LSAMP: variants seen among roughly 807,000 people sequenced by gnomAD.
The protein encoded by LSAMP is limbic system associated membrane protein.
In LSAMP, 7 loss-of-function variants were observed where a neutral mutation model predicts 38.6. The observed-to-expected ratio is 0.18, with a 90% confidence interval of 0.10 to 0.34. The LOEUF is 0.34. LSAMP is among the 10% of genes least tolerant of loss of function. The pLI is 1.00. For missense variants in LSAMP, 313 were observed against 420.0 expected (o/e 0.75, Z 2.23); for synonymous variants, 154 against 166.8 (o/e 0.92, Z 0.59).
intron 2 of LSAMP, among the ~76,000 whole-genome samples, chr3:116,074,957 C>T (rs1246844443): frequency 6.6e-6 from 1 of 150,460 alleles, no homozygotes; most frequent in Non-Finnish European, 1.5e-5. Flanking sequence ...GATTCTCAGC[C>T]TCCCGAGTAG....
intron 1 of LSAMP, among the ~76,000 whole-genome samples, chr3:116,130,385 G>A (rs1709098032): frequency 6.6e-6 from 1 of 152,190 alleles, no homozygotes; most frequent in South Asian, 2.1e-4. Context: ...AACGGTATAG[G>A]TACAAAAGTA....
chr3:115,885,714 T>C (rs907824436), intron 3 of LSAMP, among the ~76,000 whole-genome samples: 3 of 151,206 alleles, frequency 2.0e-5, no homozygotes, highest in Non-Finnish European at 4.4e-5. Context: ...TAGATGCTTC[T>C]TATCAATCGG....
Position 116,237,507 on chromosome 3 carries a change from AG to A in LSAMP, c.156-150952del, listed in dbSNP as rs1234176716. Reference sequence around the variant, plus strand: ...AAGTATGAAATGGAACACCAGGCACAGGGCCAAATACTTAAGCTTCATGCAT... The same window carrying A: ...AAGTATGAAATGGAACACCAGGCACAGGCCAAATACTTAAGCTTCATGCAT... On this transcript the variant is annotated intron_variant, in intron 1 of 6. Transcript: ENST00000490035. Among the ~76,000 whole-genome samples, 3 of 152,338 alleles carry A rather than the reference AG, an allele frequency of 2.0e-5. No individual in the cohort carries two copies. The East Asian group carries it at 5.8e-4, about 29-fold the overall frequency.
At chr3:116,416,159 A>T (rs1218201312) in intron 1 of LSAMP, among the ~76,000 whole-genome samples, 2 of 152,194 alleles carry the variant, frequency 1.3e-5, no homozygotes, top group Non-Finnish European at 1.5e-5. Flanking sequence ...TTCAGTCAGC[A>T]TTATTGAAAT....
Position 115,967,223 on chromosome 3 carries a change from T to A in LSAMP, c.514+52292A>T, listed in dbSNP as rs537895343. On this transcript the variant is annotated intron_variant, in intron 3 of 6. Transcript: ENST00000490035. The stretch of plus-strand genomic sequence containing the variant: ...AATTTCTTCCACTAGCTACCTTAAA[T>A]CATCTTTCTCAAGTTCAAAGTTCCA... Among the ~76,000 whole-genome samples the A allele has an allele frequency of 2.0e-4, 31 of 152,292 alleles. No homozygotes were observed. The South Asian group carries it at 6.0e-3, about 30-fold the overall frequency.
intron 1 of LSAMP, among the ~76,000 whole-genome samples, chr3:116,379,992 C>T (rs1010081228): frequency 3.3e-5 from 5 of 152,034 alleles, no homozygotes; most frequent in African/African-American, 1.2e-4. Flanking sequence ...CCCTCAGACT[C>T]TTTCTAGAAC....
chr3:116,338,115 C>A (rs958096003), intron 1 of LSAMP, among the ~76,000 whole-genome samples: 2 of 151,994 alleles, frequency 1.3e-5, no homozygotes, highest in Non-Finnish European at 2.9e-5. Flanking sequence ...TCCAAAGACA[C>A]TAAACCTTGT....
chr3:116,434,144 T>C (rs888604693), intron 1 of LSAMP, among the ~76,000 whole-genome samples: 1 of 152,166 alleles, frequency 6.6e-6, no homozygotes, highest in Admixed American at 6.5e-5. Flanking sequence ...CCACAATTAC[T>C]CCAGTGGTGG....
At chr3:116,000,349 G>C (rs985678937) in intron 3 of LSAMP, among the ~76,000 whole-genome samples, 1 of 152,134 alleles carries the variant, frequency 6.6e-6, no homozygotes, top group Non-Finnish European at 1.5e-5. Context: ...ACTGAGACTT[G>C]AGAAGGTTAA....
chr3:116,278,882 A>T (rs1188827785), intron 1 of LSAMP, among the ~76,000 whole-genome samples: 1 of 152,214 alleles, frequency 6.6e-6, no homozygotes, highest in African/African-American at 2.4e-5. Context: ...CTCAAAGAAG[A>T]TGGATAGCTA....
chr3:115,973,562 G>C (rs564143469), intron 3 of LSAMP, among the ~76,000 whole-genome samples: 55 of 152,054 alleles, frequency 3.6e-4, no homozygotes, highest in African/African-American at 1.3e-3. Flanking sequence ...GCGAAATGCC[G>C]TCTCTACTAA....
At chr3:115,810,531 G>T in intron 6 of LSAMP, 117 bp from the exon 7 acceptor site, 2 of 720,550 alleles carry the variant, frequency 2.8e-6, no homozygotes, top group Non-Finnish European at 4.9e-6. Flanking sequence ...GCATCTCAAA[G>T]TTACTGCACT....
intron 1 of LSAMP, among the ~76,000 whole-genome samples, chr3:116,160,186 G>C (rs748561011): frequency 2.0e-4 from 31 of 152,116 alleles, no homozygotes; most frequent in Non-Finnish European, 4.3e-4. Flanking sequence ...GATCACTTGA[G>C]GTCAGGAGTT....
At chr3:115,859,287 G>A (rs1055934610) in intron 3 of LSAMP, among the ~76,000 whole-genome samples, 5 of 152,218 alleles carry the variant, frequency 3.3e-5, no homozygotes, top group South Asian at 2.1e-4. Context: ...AGATGCAGTC[G>A]TCAAAAGCAA....
chr3:115,919,538 G>A (rs1937334395), intron 3 of LSAMP, among the ~76,000 whole-genome samples: 1 of 152,090 alleles, frequency 6.6e-6, no homozygotes, highest in African/African-American at 2.4e-5. Flanking sequence ...GTGAATGGGG[G>A]TCTGGGGTGT....
intron 3 of LSAMP, among the ~76,000 whole-genome samples, chr3:115,874,931 G>A (rs1308970101): frequency 2.6e-5 from 4 of 151,572 alleles, no homozygotes; most frequent in African/African-American, 4.8e-5. Flanking sequence ...GAGAATGAAC[G>A]TTTTCCTCAA....
At chr3:116,373,042 C>T (rs1203325347) in intron 1 of LSAMP, among the ~76,000 whole-genome samples, 2 of 151,386 alleles carry the variant, frequency 1.3e-5, no homozygotes, top group Non-Finnish European at 3.0e-5. Flanking sequence ...AATACACTTA[C>T]CATATCATCC....
intron 1 of LSAMP, among the ~76,000 whole-genome samples, chr3:116,093,891 T>C (rs1297514595): frequency 1.3e-5 from 2 of 152,108 alleles, no homozygotes; most frequent in African/African-American, 4.8e-5. Flanking sequence ...AAAACTATCA[T>C]AGAATCATTT....
intron 1 of LSAMP, among the ~76,000 whole-genome samples, chr3:116,113,420 A>ATATTTTTTTTTT (rs1553705042): frequency 3.9e-5 from 2 of 51,044 alleles, no homozygotes; most frequent in African/African-American, 9.6e-5. Flanking sequence ...ATATATATAT[A>ATATTTTTTTTTT]TTTTTTTTTT....
Sources: gnomAD v4.1 joint callset for allele counts (sites outside exome capture counted in the v4.1 genomes callset) on GRCh38, gnomAD v4.1.1 for gene constraint, MANE v1.5 for transcripts, NCBI Gene and HGNC (gene_info 2026-07-23, HGNC 2026-07-21) for gene names.